Variants in FMN1 observed in about 807,000 individuals in gnomAD.
FMN1 encodes the protein formin-1.
In FMN1, 110 loss-of-function variants were observed where a neutral mutation model predicts 132.4. The ratio of observed to expected loss-of-function variants is 0.83; its 90% CI spans 0.71 to 0.97. The LOEUF (loss-of-function observed/expected upper bound fraction) is 0.97. Ranked by LOEUF, FMN1 falls within the 50% of genes least tolerant of loss-of-function variation. The pLI, the probability that FMN1 is intolerant of heterozygous loss-of-function variation, is 0.00. For missense variants in FMN1, 1,792 were observed against 1,705.3 expected (o/e 1.05, Z -0.90); for synonymous variants, 722 against 651.7 (o/e 1.11, Z -1.64).
chr15:32,869,703 C>G (rs1442187847), intron 16 of FMN1, among the ~76,000 whole-genome samples: 2 of 152,020 alleles, frequency 1.3e-5, no homozygotes, highest in African/African-American at 2.4e-5. Flanking sequence ...GAGGAGAGGC[C>G]AGCAATGAAC....
At chr15:33,042,158 A>G (rs906523647) in intron 6 of FMN1, among the ~76,000 whole-genome samples, 45 of 152,162 alleles carry the variant, frequency 3.0e-4, no homozygotes, top group Non-Finnish European at 4.1e-4. Flanking sequence ...AAAAATAATG[A>G]GAAAAATCCC....
chr15:32,769,310 C>A lies in FMN1; in HGVS notation c.*5000G>T, dbSNP rs2056150088. 6.6e-6 allele frequency: 1 copy of A among 152,216 alleles called. No homozygotes were observed. 9.4% of individuals were successfully genotyped at this position (152,216 alleles called of 1,614,324 possible). ...TGTTAAAACTCTCTTAAATTCATCA[C>A]TTTCCAACAAAGCATTGATCTGGAA... On this transcript the variant is annotated 3_prime_UTR_variant, in exon 21 of 21. Coordinates refer to ENST00000616417, the MANE Select transcript of FMN1 (RefSeq NM_001277313.2).
chr15:33,028,487 GA>G (rs910575118), intron 6 of FMN1, among the ~76,000 whole-genome samples: 2 of 148,546 alleles, frequency 1.3e-5, no homozygotes, highest in African/African-American at 5.0e-5. Context: ...TCAAATGCTG[GA>G]AAAAACATAT....
At chr15:32,900,401 A>C in intron 13 of FMN1, 2 of 578,750 alleles carry the variant, frequency 3.5e-6, no homozygotes, top group East Asian at 6.5e-5. Context: ...CATTTGAGCC[A>C]GTTTAATTTT....
At chr15:32,810,571 A>AT (rs2057840903) in intron 17 of FMN1, among the ~76,000 whole-genome samples, 1 of 152,208 alleles carries the variant, frequency 6.6e-6, no homozygotes, top group Non-Finnish European at 1.5e-5. Flanking sequence ...AAATAAAATG[A>AT]TATTTCCATA....
chr15:33,010,129 C>T (rs887518910), intron 6 of FMN1, among the ~76,000 whole-genome samples: 2 of 152,096 alleles, frequency 1.3e-5, no homozygotes, highest in Non-Finnish European at 2.9e-5. Context: ...GGTGATTCAC[C>T]CCCCTCGGCT....
intron 17 of FMN1, among the ~76,000 whole-genome samples, chr15:32,842,321 G>C (rs971786886): frequency 2.6e-5 from 4 of 152,104 alleles, no homozygotes; most frequent in African/African-American, 9.7e-5. Flanking sequence ...CACCCGAGCC[G>C]AGGCTCTGCA....
intron 4 of FMN1, among the ~76,000 whole-genome samples, chr15:33,118,340 G>C (rs2468763): frequency 0.66 from 99,674 of 151,746 alleles, 34,819 homozygotes; most frequent in East Asian, 0.8. Context: ...GTTGATGATT[G>C]TCCAAACACA....
intron 4 of FMN1, among the ~76,000 whole-genome samples, chr15:33,110,291 A>G (rs941200779): frequency 6.6e-6 from 1 of 152,088 alleles, no homozygotes; most frequent in Non-Finnish European, 1.5e-5. Context: ...ATTGTTCACA[A>G]TAACTGAAAC....
Position 33,067,385 on chromosome 15 carries a change from T to C in FMN1, c.2044-2311A>G, listed in dbSNP as rs749826157. On this transcript the variant is annotated intron_variant, in intron 5 of 20. Transcript: ENST00000616417. ...CTCAGATAAAACACCACTAGGGGAC[T>C]TTGGGCCATTGGTGCTGCTTCCCTC... 3 of 1,613,866 alleles carry C rather than the reference T, an allele frequency of 1.9e-6. No homozygotes were observed. In the African/African-American group the frequency reaches 4.0e-5, roughly 22 times the overall value.
chr15:32,915,191 C>T (rs751867400), intron 10 of FMN1, among the ~76,000 whole-genome samples: 38 of 152,094 alleles, frequency 2.5e-4, no homozygotes, highest in Admixed American at 5.2e-4. Context: ...TCCTAGGATG[C>T]CTAAGAGAAC....
At chr15:32,821,492 C>G (rs1354880909) in intron 17 of FMN1, among the ~76,000 whole-genome samples, 1 of 131,590 alleles carries the variant, frequency 7.6e-6, no homozygotes, top group Non-Finnish European at 1.6e-5. Context: ...TGCTCTGTCA[C>G]CCCAGGCTGG....
chr15:33,039,116 A>G lies in FMN1; in HGVS notation c.2161+25841T>C, dbSNP rs560515806. Among the ~76,000 whole-genome samples the G allele has an allele frequency of 1.1e-3, 172 of 152,356 alleles. 1 individual carries two copies. Among genetic ancestry groups the G allele is most frequent in the South Asian group, 9.7e-3 (47 of 4,832 alleles). ...TGTTAAACAATATAGTAAGATTTAA[A>G]TAAAAATTCAATAAAAGAGCTATCA... On this transcript the variant is annotated intron_variant, in intron 6 of 20. Transcript: ENST00000616417.
At chr15:32,846,515 A>T (rs578223216) in intron 17 of FMN1, among the ~76,000 whole-genome samples, 34 of 152,354 alleles carry the variant, frequency 2.2e-4, no homozygotes, top group African/African-American at 7.9e-4. Context: ...ACAATGAGAT[A>T]CCATCTCCCA....
intron 5 of FMN1, among the ~76,000 whole-genome samples, chr15:33,071,430 T>G (rs986894565): frequency 3.3e-5 from 5 of 152,154 alleles, no homozygotes; most frequent in Admixed American, 6.5e-5. Context: ...GACTTCTTCA[T>G]CCAATGTCAT....
intron 6 of FMN1, among the ~76,000 whole-genome samples, chr15:33,017,110 G>A (rs2035094707): frequency 6.6e-6 from 1 of 151,406 alleles, no homozygotes; most frequent in Admixed American, 6.6e-5. Context: ...AAAGGATGAG[G>A]CCGTACCCTA....
chr15:33,068,899 C>T lies in FMN1; in HGVS notation c.2044-3825G>A, dbSNP rs1006442995. Reference sequence around the variant, plus strand: ...CACTCCCTGTGCCAACCGCAGGCTTCTTTCTGCTCAGCAGCTGTGACTTCC... The same window carrying T: ...CACTCCCTGTGCCAACCGCAGGCTTTTTTCTGCTCAGCAGCTGTGACTTCC... On this transcript the variant is annotated intron_variant, in intron 5 of 20. Coordinates refer to ENST00000616417, the MANE Select transcript of FMN1 (RefSeq NM_001277313.2). 3.3e-5 allele frequency among the ~76,000 whole-genome samples: 5 copies of T among 152,356 alleles called. No homozygotes were observed. The South Asian group carries it at 1.0e-3, about 32-fold the overall frequency.
intron 4 of FMN1, chr15:33,150,472 G>C (rs1419253799): frequency 1.0e-6 from 1 of 985,304 alleles, no homozygotes; most frequent in Non-Finnish European, 1.2e-6. Context: ...TGATAATGGA[G>C]ATTCCCATGC....
intron 5 of FMN1, among the ~76,000 whole-genome samples, chr15:33,080,450 T>C (rs1434949438): frequency 7.2e-5 from 11 of 152,210 alleles, no homozygotes; most frequent in Non-Finnish European, 1.3e-4. Flanking sequence ...ATTATATGTC[T>C]GCTTAAAAGT....
Sources: gnomAD v4.1 joint callset for allele counts (sites outside exome capture counted in the v4.1 genomes callset) on GRCh38, gnomAD v4.1.1 for gene constraint, MANE v1.5 for transcripts, NCBI Gene and HGNC (gene_info 2026-07-23, HGNC 2026-07-21) for gene names.